EPHA6: variants seen among roughly 807,000 people sequenced by gnomAD.
The protein encoded by EPHA6 is ephrin type-A receptor 6.
EPHA6 carries 50 observed loss-of-function variants against 112.0 expected under a neutral mutation model. The ratio of observed to expected loss-of-function variants is 0.45; its 90% CI spans 0.36 to 0.56. The LOEUF (loss-of-function observed/expected upper bound fraction) is 0.56. Among genes scored for constraint, EPHA6 ranks in the 20% least tolerant of loss-of-function variants. The pLI is 0.00. For missense variants in EPHA6, 1,280 were observed against 1,417.4 expected (o/e 0.90, Z 1.56); for synonymous variants, 529 against 490.7 (o/e 1.08, Z -1.03).
intron 2 of EPHA6, among the ~76,000 whole-genome samples, chr3:96,889,248 A>C (rs1409384066): frequency 6.6e-6 from 1 of 152,076 alleles, no homozygotes; most frequent in African/African-American, 2.4e-5. Flanking sequence ...AAACTGTTCC[A>C]ACCTGTGCCT....
chr3:97,078,594 G>T (rs1382594016), intron 3 of EPHA6, among the ~76,000 whole-genome samples: 2 of 152,132 alleles, frequency 1.3e-5, no homozygotes, highest in African/African-American at 4.8e-5. Context: ...AAGGGATCCA[G>T]TTTCAGCTTT....
intron 4 of EPHA6, among the ~76,000 whole-genome samples, chr3:97,228,675 T>G (rs1378822226): frequency 6.6e-6 from 1 of 152,184 alleles, no homozygotes; most frequent in Non-Finnish European, 1.5e-5. Flanking sequence ...ATTGTGCTCC[T>G]ATAAACATGC....
intron 6 of EPHA6, among the ~76,000 whole-genome samples, chr3:97,413,637 C>T: frequency 6.6e-6 from 1 of 152,004 alleles, no homozygotes; most frequent in Non-Finnish European, 1.5e-5. Context: ...AGTTCTCTGT[C>T]TGGGAACTAA....
intron 3 of EPHA6, among the ~76,000 whole-genome samples, chr3:97,117,474 G>T (rs75398658): frequency 6.6e-6 from 1 of 151,304 alleles, no homozygotes; most frequent in Non-Finnish European, 1.5e-5. Context: ...TCTTTATTTC[G>T]CTTTGAGTCG....
intron 3 of EPHA6, among the ~76,000 whole-genome samples, chr3:97,064,783 G>A (rs1016162050): frequency 1.1e-4 from 16 of 152,198 alleles, no homozygotes; most frequent in African/African-American, 3.9e-4. Flanking sequence ...AATTACATAT[G>A]AGGGTCCACT....
intron 3 of EPHA6, among the ~76,000 whole-genome samples, chr3:97,117,452 AGTAT>A (rs905187024): frequency 2.6e-5 from 4 of 151,682 alleles, no homozygotes; most frequent in African/African-American, 9.7e-5. Flanking sequence ...TTACAGTTTC[AGTAT>A]GTTTGCATCT....
Position 97,218,661 on chromosome 3 carries a change from G to T in EPHA6, c.1115-7603G>T, listed in dbSNP as rs567610741. ...GGGATTATAATTCAAGATGAGACTTGGTTGGGGATAAAAAGCCTAACCAAA... is the reference window on the plus strand; with the variant it reads ...GGGATTATAATTCAAGATGAGACTTTGTTGGGGATAAAAAGCCTAACCAAA... On this transcript the variant is annotated intron_variant, in intron 3 of 17. Coordinates refer to ENST00000389672, the MANE Select transcript of EPHA6 (RefSeq NM_001080448.3). Among the ~76,000 whole-genome samples, 327 of 152,246 alleles carry T rather than the reference G, an allele frequency of 2.1e-3. 5 individuals carry two copies. In the Middle Eastern group the frequency reaches 0.027, roughly 13 times the overall value.
rs2036885381 is a variant in EPHA6, at chr3:96,875,407, A to G, written c.450+8518A>G. Among the ~76,000 whole-genome samples, 4 of 152,138 alleles carry G rather than the reference A, an allele frequency of 2.6e-5. No individual in the cohort carries two copies. In the South Asian group the frequency reaches 8.3e-4, roughly 31 times the overall value. On this transcript the variant is annotated intron_variant, in intron 2 of 17. Transcript: ENST00000389672. ...TATGATTTGTGTCACTTCTTTCTCC[A>G]CTATCTCAGAATATTCCTTCCTGTA...
chr3:97,691,177 C>T (rs2032641596), intron 14 of EPHA6, among the ~76,000 whole-genome samples: 1 of 152,172 alleles, frequency 6.6e-6, no homozygotes, highest in East Asian at 1.9e-4. Flanking sequence ...TTGGCCCACA[C>T]CATTTGTTGA....
rs564823628 is a variant in EPHA6 at position 97,759,216 on chromosome 3, A to G, written c.*10515A>G. 6.6e-6 allele frequency among the ~76,000 whole-genome samples: 1 copy of G among 152,174 alleles called. No homozygotes were observed. Among genetic ancestry groups the G allele is most frequent in the East Asian group, 1.9e-4 (1 of 5,180 alleles). ...AGACATGTCCATGGGAATTAGCAAC[A>G]TGGAAGTTGTTGTTGTTGATGACCT... On this transcript the variant is annotated 3_prime_UTR_variant, in exon 18 of 18. Transcript: ENST00000389672.
chr3:97,092,697 A>C (rs2108234495), intron 3 of EPHA6, among the ~76,000 whole-genome samples: 1 of 152,162 alleles, frequency 6.6e-6, no homozygotes, highest in African/African-American at 2.4e-5. Context: ...TGATGGAAGA[A>C]GCCATATTAT....
chr3:97,743,470 C>T (rs1398499103), intron 16 of EPHA6, among the ~76,000 whole-genome samples: 2 of 152,076 alleles, frequency 1.3e-5, no homozygotes, highest in African/African-American at 4.8e-5. Flanking sequence ...AGACTACATA[C>T]TCATGTCTAC....
At chr3:97,205,472 T>C (rs1321771617) in intron 3 of EPHA6, among the ~76,000 whole-genome samples, 2 of 152,092 alleles carry the variant, frequency 1.3e-5, no homozygotes, top group Non-Finnish European at 2.9e-5. Context: ...TTGAACAATA[T>C]GTGTTTGAAC....
intron 3 of EPHA6, among the ~76,000 whole-genome samples, chr3:97,215,729 G>A (rs1475190747): frequency 6.6e-6 from 1 of 151,590 alleles, no homozygotes; most frequent in African/African-American, 2.4e-5. Flanking sequence ...CATTTTCATT[G>A]TTATTTTAAG....
At chr3:97,572,060 A>G (rs909054470) in intron 11 of EPHA6, among the ~76,000 whole-genome samples, 1 of 151,828 alleles carries the variant, frequency 6.6e-6, no homozygotes, top group Non-Finnish European at 1.5e-5. Flanking sequence ...TTGGCAATTT[A>G]TCTATCTAAA....
At chr3:97,355,781 A>T (rs1377026757) in intron 5 of EPHA6, among the ~76,000 whole-genome samples, 1 of 152,188 alleles carries the variant, frequency 6.6e-6, no homozygotes, top group African/African-American at 2.4e-5. Context: ...TATATTGCCT[A>T]CAAGAAAAAC....
At chr3:97,679,501 A>T (rs902951218) in intron 14 of EPHA6, among the ~76,000 whole-genome samples, 1 of 152,152 alleles carries the variant, frequency 6.6e-6, no homozygotes, top group African/African-American at 2.4e-5. Context: ...AGCATCTTTA[A>T]ATATCTCATG....
intron 2 of EPHA6, among the ~76,000 whole-genome samples, chr3:96,890,342 A>G (rs1159717757): frequency 6.6e-6 from 1 of 152,188 alleles, no homozygotes; most frequent in Non-Finnish European, 1.5e-5. Context: ...CACGGTAGAA[A>G]AAATGGACCC....
intron 14 of EPHA6, among the ~76,000 whole-genome samples, chr3:97,719,170 T>C (rs2034398769): frequency 6.9e-6 from 1 of 144,396 alleles, no homozygotes; most frequent in African/African-American, 2.6e-5. Context: ...ATATTTAACT[T>C]AAATTCCTTA....
Sources: allele counts gnomAD v4.1 joint callset (sites outside exome capture counted in the v4.1 genomes callset), GRCh38; gene constraint gnomAD v4.1.1; transcripts MANE v1.5; gene names NCBI Gene and HGNC (gene_info 2026-07-23, HGNC 2026-07-21).